UGT2B15: variants seen among roughly 807,000 people sequenced by gnomAD.
UGT2B15 encodes the protein UDP-glucuronosyltransferase 2B15.
UGT2B15 carries 36 observed loss-of-function variants against 45.9 expected under a neutral mutation model. The ratio of observed to expected loss-of-function variants is 0.78; its 90% CI spans 0.60 to 1.04. The LOEUF (loss-of-function observed/expected upper bound fraction) is 1.04. Ranked by LOEUF, UGT2B15 falls within the 50% of genes least tolerant of loss-of-function variation. The pLI, the probability that UGT2B15 is intolerant of heterozygous loss-of-function variation, is 0.00. For synonymous variants in UGT2B15, 219 were observed against 216.4 expected (o/e 1.01, Z -0.11); for missense variants, 617 against 622.4 (o/e 0.99, Z 0.09).
intron 5 of UGT2B15, 121 bp downstream of exon 5, chr4:68,653,916 A>C: frequency 7.7e-7 from 1 of 1,302,446 alleles, no homozygotes; most frequent in South Asian, 1.6e-5. Flanking sequence ...GACAGATTTT[A>C]CATTGGTTAA....
At position 68,647,021 on chromosome 4, in the gene UGT2B15, A is replaced by G; in HGVS notation, c.*83T>C. 1 of 1,514,318 alleles carries G rather than the reference A, an allele frequency of 6.6e-7. No homozygotes were observed. The highest frequency in any genetic ancestry group is 1.4e-5 in the South Asian group (1 of 73,432). 93.8% of individuals were successfully genotyped at this position (1,514,318 alleles called of 1,614,324 possible). A position where few individuals can be genotyped will look rare whatever the true frequency, so the allele number is the denominator to read the frequency against. On this transcript the variant is annotated 3_prime_UTR_variant, in exon 6 of 6. Transcript: ENST00000338206. ...AAGATGTTTTGTCACAGGAAAAAGG[A>G]AATCCTCCATTTAAAACCCTCCATG... is the stretch of plus-strand genomic sequence containing the variant.
At position 68,647,380 on chromosome 4, in the gene UGT2B15, A is replaced by C. The variant is rs1447084000; in HGVS notation, c.1317T>G (p.Tyr439Ter). 6.2e-7 allele frequency: 1 copy of C among 1,611,336 alleles called. No homozygotes were observed. The highest frequency in any genetic ancestry group is 1.7e-5 in the Admixed American group (1 of 59,706). Residue 439 changes from tyrosine (Y) to a stop codon, truncating the protein, a stop_gained, in exon 6 of 6, where the codon TAT (tyrosine) becomes TAG (stop). Transcript: ENST00000338206. LOFTEE classifies it low-confidence loss of function (END_TRUNC). The stretch of plus-strand genomic sequence containing the variant: ...TTGATAATTTCATGACATTCTCTTT[A>C]TAGCTGAAGGATAAATATAAAGATA... ...ALKSVINDPV[Y>*]KENVMKLSRI...
In UGT2B15 at chr4:68,659,953, C is replaced by CT. The variant is rs773295559; in HGVS notation, c.1005+3054dup. Among the ~76,000 whole-genome samples, 427 of 141,872 alleles carry CT rather than the reference C, an allele frequency of 3.0e-3. 8 individuals carry two copies. The highest frequency in any genetic ancestry group is 0.015 in the South Asian group (69 of 4,490). 93.1% of individuals were successfully genotyped at this position (141,872 alleles called of 152,430 possible). On this transcript the variant is annotated intron_variant, in intron 3 of 5. Transcript: ENST00000338206. ...TGTTTTTTTTTCAGAGTGAAGGAAT[C>CT]TTTTTTTTTTTGAGCTATTAACAGC...
chr4:68,651,435 A>C (rs62298388), intron 5 of UGT2B15, among the ~76,000 whole-genome samples: 142,473 of 152,034 alleles, frequency 0.94, 67,196 homozygotes, highest in East Asian at 1. Context: ...TTGTTTTTGT[A>C]TGGTTTGTCA....
intron 2 of UGT2B15, 129 bp from the exon 3 acceptor site, chr4:68,663,268 T>C: frequency 1.2e-6 from 1 of 866,316 alleles, no homozygotes; most frequent in South Asian, 1.8e-5. Context: ...ACTGACCTAA[T>C]CATTCAGTTT....
At chr4:68,651,626 A>T (rs577441567) in intron 5 of UGT2B15, among the ~76,000 whole-genome samples, 1 of 152,050 alleles carries the variant, frequency 6.6e-6, no homozygotes, top group Non-Finnish European at 1.5e-5. Context: ...TTCTTAAATA[A>T]GGAATCCTTT....
chr4:68,647,018 A>G lies in UGT2B15; in HGVS notation c.*86T>C. The G allele has an allele frequency of 6.6e-7, 1 of 1,509,784 alleles. No individual in the cohort carries two copies. Among genetic ancestry groups the G allele is most frequent in the Non-Finnish European group, 8.9e-7 (1 of 1,128,054 alleles). 93.5% of individuals were successfully genotyped at this position (1,509,784 alleles called of 1,614,324 possible). A position where few individuals can be genotyped will look rare whatever the true frequency, so the allele number is the denominator to read the frequency against. ...GAAAAGATGTTTTGTCACAGGAAAA[A>G]GGAAATCCTCCATTTAAAACCCTCC... On this transcript the variant is annotated 3_prime_UTR_variant, in exon 6 of 6. Coordinates refer to ENST00000338206, the MANE Select transcript of UGT2B15 (RefSeq NM_001076.4).
At chr4:68,668,485 A>G (rs918931012) in intron 1 of UGT2B15, among the ~76,000 whole-genome samples, 2 of 151,942 alleles carry the variant, frequency 1.3e-5, no homozygotes, top group Non-Finnish European at 2.9e-5. Context: ...TTATTAAAAT[A>G]AGTCACTAAT....
At chr4:68,659,859 T>A (rs973450571) in intron 3 of UGT2B15, among the ~76,000 whole-genome samples, 10 of 151,784 alleles carry the variant, frequency 6.6e-5, no homozygotes, top group Non-Finnish European at 1.2e-4. Flanking sequence ...ATTAACTACA[T>A]GGACTGAAAT....
intron 5 of UGT2B15, among the ~76,000 whole-genome samples, chr4:68,651,424 C>A (rs1361171250): frequency 6.6e-6 from 1 of 151,974 alleles, no homozygotes. Flanking sequence ...TTCCCCATTG[C>A]TTGTTTTTGT....
rs141954481 is a variant in UGT2B15 at position 68,647,061 on chromosome 4, G to A, written c.*43C>T. On this transcript the variant is annotated 3_prime_UTR_variant, in exon 6 of 6. Coordinates refer to ENST00000338206, the MANE Select transcript of UGT2B15 (RefSeq NM_001076.4). ...AACCCTCCATGCTGAAATAAAGGAG[G>A]AGTCCCATCTTTCAGTCATTCCACT... 4.2e-4 allele frequency: 667 copies of A among 1,573,748 alleles called. 4 individuals are homozygous for A. The African/African-American group carries it at 8.0e-3, about 19-fold the overall frequency.
intron 2 of UGT2B15, among the ~76,000 whole-genome samples, chr4:68,666,750 A>ATTTTT (rs1327859346): frequency 0.12 from 14,231 of 119,788 alleles, 1,016 homozygotes; most frequent in Non-Finnish European, 0.18. Flanking sequence ...ATATATATAT[A>ATTTTT]TATTTTTTTT....
rs187647606 is a variant in UGT2B15 at position 68,670,647 on chromosome 4, G to A, written c.-29C>T. 4 of 1,523,138 alleles carry A rather than the reference G, an allele frequency of 2.6e-6. No homozygotes were observed. Among genetic ancestry groups the A allele is most frequent in the Admixed American group, 2.3e-5 (1 of 42,624 alleles). 94.4% of individuals were successfully genotyped at this position (1,523,138 alleles called of 1,614,324 possible). A position where few individuals can be genotyped will look rare whatever the true frequency, so the allele number is the denominator to read the frequency against. On this transcript the variant is annotated 5_prime_UTR_variant, in exon 1 of 6. Transcript: ENST00000338206. Reference sequence around the variant, plus strand: ...GGTCTTATGCAATGCTTCTTTTCCAGTTGTTGTTTCTTTCTGTCATTTCTC... The same window carrying A: ...GGTCTTATGCAATGCTTCTTTTCCAATTGTTGTTTCTTTCTGTCATTTCTC...
In UGT2B15 at chr4:68,647,367, T is replaced by C; in HGVS notation, c.1330A>G (p.Met444Val). 6.2e-7 allele frequency: 1 copy of C among 1,613,246 alleles called. No homozygotes were observed. The highest frequency in any genetic ancestry group is 8.5e-7 in the Non-Finnish European group (1 of 1,179,446). ...TCATGATGAATTCTTGATAATTTCATGACATTCTCTTTATAGCTGAAGGAT... is the reference window on the plus strand; with the variant it reads ...TCATGATGAATTCTTGATAATTTCACGACATTCTCTTTATAGCTGAAGGAT... ...INDPVYKENV[M>V]KLSRIHHDQP... The change falls in exon 6 of 6, where the codon ATG becomes GTG. Residue 444 changes from methionine to valine, a missense_variant. Transcript: ENST00000338206.
At position 68,659,895 on chromosome 4, in the gene UGT2B15, G is replaced by A. The variant is rs572817773; in HGVS notation, c.1005+3113C>T. On this transcript the variant is annotated intron_variant, in intron 3 of 5. Transcript: ENST00000338206. ...AATAAAAAACTAAAGTAATCTTTTA[G>A]ACTTTGCTTAAAACATTGCTGATCC... Among the ~76,000 whole-genome samples, 144 of 150,752 alleles carry A rather than the reference G, an allele frequency of 9.6e-4. 2 individuals carry two copies. Among genetic ancestry groups the A allele is most frequent in the South Asian group, 8.2e-3 (39 of 4,768 alleles).
At position 68,654,055 on chromosome 4, in the gene UGT2B15, G is replaced by A; in HGVS notation, c.1295C>T (p.Ser432Leu). The change falls in exon 5 of 6, where the codon TCA becomes TTA. Residue 432 changes from serine to leucine, a missense_variant. Physicochemically the swap from Ser to Leu is moderately radical, Grantham distance 145 (BLOSUM62 -2). This residue lies in a region of UGT2B15 where 265 missense variants were observed against 245.1 expected (regional missense o/e 1.08). Coordinates refer to ENST00000338206, the MANE Select transcript of UGT2B15 (RefSeq NM_001076.4). ...SSRDLLNALK[S>L]VINDPVYKEN... ...TACTCACACAGGGTCATTAATGACT[G>A]ACTTCAATGCATTGAGCAAATCTCT... The A allele has an allele frequency of 6.2e-7, 1 of 1,613,262 alleles. No homozygotes were observed. The highest frequency in any genetic ancestry group is 2.2e-5 in the East Asian group (1 of 44,878).
intron 1 of UGT2B15, among the ~76,000 whole-genome samples, chr4:68,669,265 A>C (rs1438046596): frequency 6.6e-6 from 1 of 152,162 alleles, no homozygotes; most frequent in Non-Finnish European, 1.5e-5. Context: ...AGTTTAATAA[A>C]ATATAGATTA....
In UGT2B15 at chr4:68,654,093, C is replaced by T; in HGVS notation, c.1257G>A (p.Arg419=). The T allele has an allele frequency of 6.2e-7, 1 of 1,613,582 alleles. No homozygotes were observed. Among genetic ancestry groups the T allele is most frequent in the Non-Finnish European group, 8.5e-7 (1 of 1,179,652 alleles). The change falls in exon 5 of 6, where the codon AGG becomes AGA. Residue 419 remains arginine (R), a synonymous_variant. Transcript: ENST00000338206. ...AKGAALSVDI[R]TMSSRDLLNA... ...TGAGCAAATCTCTACTTGACATGGT[C>T]CTGATGTCCACACTGAGGGCTGCTC... is the stretch of plus-strand genomic sequence containing the variant.
chr4:68,668,059 G>C lies in UGT2B15; in HGVS notation c.854C>G (p.Pro285Arg). 1 of 1,613,882 alleles carries C rather than the reference G, an allele frequency of 6.2e-7. No individual in the cohort carries two copies. Reference protein sequence around the residue: ...VDFVGGLHCKPAKPLPKEMEE... With the variant: ...VDFVGGLHCKRAKPLPKEMEE... The stretch of plus-strand genomic sequence containing the variant: ...ATTTACCTTAGGCAGGGGTTTGGCT[G>C]GTTTACAGTGAAGTCCTCCAACAAA... The change falls in exon 2 of 6, where the codon CCA (proline) becomes CGA (arginine). Residue 285 changes from proline (P) to arginine (R), a missense_variant. By Grantham distance (103) the Pro-to-Arg change is moderately radical. This residue lies in a region of UGT2B15 where 351 missense variants were observed against 342.1 expected (regional missense o/e 1.03). Coordinates refer to ENST00000338206, the MANE Select transcript of UGT2B15 (RefSeq NM_001076.4).
Sources: gnomAD v4.1 joint callset for allele counts (sites outside exome capture counted in the v4.1 genomes callset) on GRCh38, gnomAD v4.1.1 for gene constraint, gnomAD v4.1.1 regional missense constraint, MANE v1.5 for transcripts, NCBI Gene and HGNC (gene_info 2026-07-23, HGNC 2026-07-21) for gene names.